The following DNM2 variants were observed in gnomAD, a reference collection of about 807,000 sequenced individuals.
DNM2 encodes the protein dynamin 2.
In DNM2, 15 loss-of-function variants were observed where a neutral mutation model predicts 99.0. The observed-to-expected ratio is 0.15, with a 90% CI of 0.10 to 0.23. The LOEUF is 0.23. Among genes scored for constraint, DNM2 ranks in the 10% least tolerant of loss-of-function variants. The probability of loss-of-function intolerance (pLI) is 1.00; values close to 1 mark genes in which losing one functional copy is unlikely to be tolerated. For missense variants in DNM2, 742 were observed against 1,189.4 expected, an observed-to-expected ratio of 0.62 and a Z score of 5.53; for synonymous variants, 525 against 481.2, an observed-to-expected ratio of 1.09 and a Z score of -1.19.
chr19:10,791,234 G>A lies in DNM2; in HGVS notation c.993-2486G>A, dbSNP rs796653697. Among the ~76,000 whole-genome samples, 6 of 152,048 alleles carry A rather than the reference G, an allele frequency of 3.9e-5. 1 individual carries two copies. The highest frequency in any genetic ancestry group is 1.2e-4 in the African/African-American group (5 of 41,480). ...CACCTGAGTAGCCTGATCCTCAGGCGTGCACCACAGCACCTGGCTAATTTT... is the reference window on the plus strand; with the variant it reads ...CACCTGAGTAGCCTGATCCTCAGGCATGCACCACAGCACCTGGCTAATTTT... On this transcript the variant is annotated intron_variant, in intron 7 of 20. Transcript: ENST00000389253.
intron 1 of DNM2, among the ~76,000 whole-genome samples, chr19:10,746,938 T>C (rs954415117): frequency 2.0e-5 from 3 of 151,908 alleles, no homozygotes; most frequent in Non-Finnish European, 4.4e-5. Context: ...AGTTTCTCCA[T>C]GTTGGCCAAG....
chr19:10,747,515 A>G (rs2070032160), intron 1 of DNM2, among the ~76,000 whole-genome samples: 1 of 152,156 alleles, frequency 6.6e-6, no homozygotes. Context: ...AGGATTCCTG[A>G]TCAGGGAGGG....
intron 6 of DNM2, among the ~76,000 whole-genome samples, chr19:10,783,330 G>C (rs1424970041): frequency 6.6e-6 from 1 of 152,216 alleles, no homozygotes; most frequent in Non-Finnish European, 1.5e-5. Flanking sequence ...AGCTAAGCAT[G>C]GTGGCACATG....
intron 1 of DNM2, among the ~76,000 whole-genome samples, chr19:10,722,814 A>G (rs1461582436): frequency 1.3e-5 from 2 of 151,608 alleles, no homozygotes; most frequent in Admixed American, 6.6e-5. Flanking sequence ...TTTTGTAGAT[A>G]CAGGGCCTTG....
chr19:10,744,273 C>T (rs1422972356), intron 1 of DNM2, among the ~76,000 whole-genome samples: 2 of 152,142 alleles, frequency 1.3e-5, no homozygotes, highest in South Asian at 2.1e-4. Context: ...GAGACTTGGC[C>T]TCAGGACATT....
intron 12 of DNM2, among the ~76,000 whole-genome samples, chr19:10,803,392 T>C (rs1472303501): frequency 6.6e-6 from 1 of 152,164 alleles, no homozygotes; most frequent in African/African-American, 2.4e-5. Context: ...GAACCCCTCC[T>C]AGAGATGAGC....
intron 7 of DNM2, among the ~76,000 whole-genome samples, chr19:10,787,914 G>A (rs1395119414): frequency 6.6e-6 from 1 of 151,686 alleles, no homozygotes; most frequent in Non-Finnish European, 1.5e-5. Flanking sequence ...GGGTGATAGG[G>A]CAAGACTCCG....
At chr19:10,801,854 A>C (rs1194804815) in intron 11 of DNM2, among the ~76,000 whole-genome samples, 1 of 151,006 alleles carries the variant, frequency 6.6e-6, no homozygotes, top group Non-Finnish European at 1.5e-5. Context: ...GCAGTGAGCC[A>C]AGATTGTCCC....
intron 1 of DNM2, among the ~76,000 whole-genome samples, chr19:10,755,813 G>A (rs1294898383): frequency 6.6e-6 from 1 of 151,868 alleles, no homozygotes; most frequent in African/African-American, 2.4e-5. Context: ...ACATGCTTGC[G>A]CCCCCACACC....
chr19:10,830,495 G>A lies in DNM2; in HGVS notation c.2543+117G>A, dbSNP rs551235662. 29 of 1,220,934 alleles carry A rather than the reference G, an allele frequency of 2.4e-5. No homozygotes were observed. Among genetic ancestry groups the A allele is most frequent in the South Asian group, 8.3e-5 (6 of 72,234 alleles). 75.6% of individuals were successfully genotyped at this position (1,220,934 alleles called of 1,614,324 possible). A position where few individuals can be genotyped will look rare whatever the true frequency, so the allele number is the denominator to read the frequency against. ...GCCCAGCTGCTGGAGTGGAGGAATC[G>A]TCCTCATCCCTATTTGGCTTGCGAG... is the stretch of plus-strand genomic sequence containing the variant. On this transcript the variant is annotated intron_variant, in intron 20 of 20. Transcript: ENST00000389253. This position sits in a 1 kb window ranked among gnomAD's most constrained non-coding sequence, Gnocchi z 4.8.
chr19:10,786,364 G>A (rs2071558467), intron 6 of DNM2, 200 bp from the exon 7 acceptor site: 3 of 845,238 alleles, frequency 3.5e-6, no homozygotes, highest in Non-Finnish European at 5.6e-6. Context: ...TTACACTCAT[G>A]GGCAGCTCCG....
Position 10,830,880 on chromosome 19 carries a change from G to T in DNM2, c.2544-98G>T, listed in dbSNP as rs1216835808. The stretch of plus-strand genomic sequence containing the variant: ...GTCAGCCTGGGAACACCCTGGGGTG[G>T]TGTGTGGGTGGGGGCTGGGTCCTCA... On this transcript the variant is annotated intron_variant, in intron 20 of 20. Coordinates refer to ENST00000389253, the MANE Select transcript of DNM2 (RefSeq NM_001005361.3). This position sits in a 1 kb window ranked among gnomAD's most constrained non-coding sequence, Gnocchi z 4.8. The T allele has an allele frequency of 7.1e-7, 1 of 1,411,558 alleles. No homozygotes were observed. The highest frequency in any genetic ancestry group is 9.6e-7 in the Non-Finnish European group (1 of 1,044,002). 87.4% of individuals were successfully genotyped at this position (1,411,558 alleles called of 1,614,324 possible).
At chr19:10,750,780 G>T (rs1201033262) in intron 1 of DNM2, among the ~76,000 whole-genome samples, 8 of 151,716 alleles carry the variant, frequency 5.3e-5, no homozygotes. Context: ...AAAATACAAA[G>T]AAATTAGCCG....
At chr19:10,739,049 T>C (rs2069640875) in intron 1 of DNM2, among the ~76,000 whole-genome samples, 1 of 152,070 alleles carries the variant, frequency 6.6e-6, no homozygotes, top group African/African-American at 2.4e-5. Flanking sequence ...GCGCCTGTAC[T>C]GTAGTCCCAG....
At chr19:10,814,537 C>A (rs927357155) in intron 15 of DNM2, among the ~76,000 whole-genome samples, 2 of 152,180 alleles carry the variant, frequency 1.3e-5, no homozygotes, top group African/African-American at 4.8e-5. Context: ...TTCTGTTGAA[C>A]AATAGAAGTT....
At chr19:10,742,657 G>A (rs1167195377) in intron 1 of DNM2, among the ~76,000 whole-genome samples, 1 of 152,156 alleles carries the variant, frequency 6.6e-6, no homozygotes, top group Non-Finnish European at 1.5e-5. Flanking sequence ...TCCTTTCCTT[G>A]TGTGCCCCTG....
rs921640162 is a variant in DNM2, at chr19:10,818,282, G to A, written c.1672-1698G>A. On this transcript the variant is annotated intron_variant, in intron 15 of 20. Coordinates refer to ENST00000389253, the MANE Select transcript of DNM2 (RefSeq NM_001005361.3). This position sits in a 1 kb window ranked among gnomAD's most constrained non-coding sequence, Gnocchi z 4.3. ...ATGCTCTGCTCCCTCCATGGCCACC[G>A]GGCCCCTCTTCCTATGCTCTGCCCT... is the stretch of plus-strand genomic sequence containing the variant. Among the ~76,000 whole-genome samples, 3 of 151,520 alleles carry A rather than the reference G, an allele frequency of 2.0e-5. No individual in the cohort carries two copies. The highest frequency in any genetic ancestry group is 6.6e-5 in the Admixed American group (1 of 15,206).
intron 17 of DNM2, chr19:10,824,786 G>A: frequency 2.0e-6 from 1 of 490,604 alleles, no homozygotes; most frequent in African/African-American, 1.9e-5. Flanking sequence ...TGCAGCCTGG[G>A]TGACATAGCA....
rs151045182 is a variant in DNM2 at position 10,742,012 on chromosome 19, TTTTC to T, written c.162-17718_162-17715del. Among the ~76,000 whole-genome samples the T allele has an allele frequency of 7.1e-3, 1,085 of 152,146 alleles. 10 individuals are homozygous for T. The highest frequency in any genetic ancestry group is 0.025 in the African/African-American group (1,036 of 41,506). On this transcript the variant is annotated intron_variant, in intron 1 of 20. Transcript: ENST00000389253. ...CCTTCTTTCTTTTCCTTCTTTCTTT[TTTTC>T]TTTCTTTGTTTTTGCTTGATTGCAG... is the stretch of plus-strand genomic sequence containing the variant.
Sources: gnomAD v4.1 joint callset for allele counts (sites outside exome capture counted in the v4.1 genomes callset) on GRCh38, gnomAD v4.1.1 for gene constraint, Gnocchi (gnomAD v3.1) non-coding constraint, MANE v1.5 for transcripts, NCBI Gene and HGNC (gene_info 2026-07-23, HGNC 2026-07-21) for gene names.